HIVEP1: variants seen among roughly 807,000 people sequenced by gnomAD.
The protein encoded by HIVEP1 is HIVEP zinc finger 1.
In HIVEP1, 36 loss-of-function variants were observed where a neutral mutation model predicts 180.0. The observed-to-expected ratio is 0.20, with a 90% CI of 0.15 to 0.26. The LOEUF (loss-of-function observed/expected upper bound fraction) is 0.26. Ranked by LOEUF, HIVEP1 falls within the 10% of genes least tolerant of loss-of-function variation. HIVEP1 has a pLI of 1.00. For synonymous variants in HIVEP1, 1,239 were observed against 1,239.0 expected, an observed-to-expected ratio of 1.00 and a Z score of 0.00; for missense variants, 3,143 against 3,268.7, an observed-to-expected ratio of 0.96 and a Z score of 0.94.
At chr6:12,191,860 GT>G in the HIVEP1 span, among the ~76,000 whole-genome samples, 1 of 152,104 alleles carries the variant, frequency 6.6e-6, no homozygotes, top group African/African-American at 2.4e-5. Context: ...CTGTGCTTTT[GT>G]AAAATTATAG....
chr6:12,112,365 C>A lies in HIVEP1; in HGVS notation c.95-7525C>A, dbSNP rs565302847. Among the ~76,000 whole-genome samples the A allele has an allele frequency of 2.0e-4, 30 of 152,078 alleles. No individual in the cohort carries two copies. In the South Asian group the frequency reaches 6.0e-3, roughly 31 times the overall value. Reference sequence around the variant, plus strand: ...GCAGTTTGAATATATTGTCTAAATTCTTTTTCTCCCTTTTCTTCTTTTTCT... The same window carrying A: ...GCAGTTTGAATATATTGTCTAAATTATTTTTCTCCCTTTTCTTCTTTTTCT... On this transcript the variant is annotated intron_variant, in intron 3 of 8. Transcript: ENST00000379388.
intron 2 of HIVEP1, among the ~76,000 whole-genome samples, chr6:12,042,492 G>A (rs1201935963): frequency 6.7e-6 from 1 of 149,604 alleles, no homozygotes; most frequent in Non-Finnish European, 1.5e-5. Flanking sequence ...TGAGATTATA[G>A]GTGTGTGCCC....
At chr6:12,053,964 T>C (rs1770701901) in intron 2 of HIVEP1, among the ~76,000 whole-genome samples, 1 of 152,198 alleles carries the variant, frequency 6.6e-6, no homozygotes, top group Admixed American at 6.5e-5. Flanking sequence ...TCCTTCTCCA[T>C]GTGGAAATGT....
chr6:12,019,531 CAGAAG>C (rs1768051300), intron 2 of HIVEP1, among the ~76,000 whole-genome samples: 1 of 152,044 alleles, frequency 6.6e-6, no homozygotes, highest in Non-Finnish European at 1.5e-5. Context: ...ATTGGGAGAC[CAGAAG>C]AGGAGTCACA....
chr6:12,061,116 G>A (rs917248221), intron 2 of HIVEP1, among the ~76,000 whole-genome samples: 1 of 152,150 alleles, frequency 6.6e-6, no homozygotes, highest in African/African-American at 2.4e-5. Flanking sequence ...GGCTGGTAAC[G>A]TGACTGTGCA....
chr6:12,080,907 C>A (rs78722360), intron 2 of HIVEP1, among the ~76,000 whole-genome samples: 2 of 152,068 alleles, frequency 1.3e-5, no homozygotes, highest in Non-Finnish European at 2.9e-5. Flanking sequence ...TTGTCCATAA[C>A]CACTCTGGAT....
At chr6:12,079,938 A>ATCTATCTG (rs1772658628) in intron 2 of HIVEP1, among the ~76,000 whole-genome samples, 1 of 114,306 alleles carries the variant, frequency 8.7e-6, no homozygotes, top group Admixed American at 8.0e-5. Context: ...GATGGCATCT[A>ATCTATCTG]TCTATCTATC....
At chr6:12,115,377 T>TTTTTTTA (rs398000485) in intron 3 of HIVEP1, among the ~76,000 whole-genome samples, 2 of 125,652 alleles carry the variant, frequency 1.6e-5, no homozygotes, top group African/African-American at 5.8e-5. Flanking sequence ...TTTTTTTTTT[T>TTTTTTTA]AACAAAGTGG....
chr6:12,054,529 G>T (rs779434521), intron 2 of HIVEP1, among the ~76,000 whole-genome samples: 11 of 151,982 alleles, frequency 7.2e-5, no homozygotes, highest in Non-Finnish European at 1.6e-4. Flanking sequence ...AAGCACAGTT[G>T]GCATCATACA....
chr6:12,109,239 C>T (rs1231532055), intron 3 of HIVEP1, among the ~76,000 whole-genome samples: 1 of 152,102 alleles, frequency 6.6e-6, no homozygotes, highest in Non-Finnish European at 1.5e-5. Context: ...GTGTTCCGCC[C>T]GCCTCAGCCT....
intron 7 of HIVEP1, among the ~76,000 whole-genome samples, chr6:12,152,196 C>T (rs1252507051): frequency 6.6e-6 from 1 of 152,060 alleles, no homozygotes; most frequent in African/African-American, 2.4e-5. Flanking sequence ...ACAAAAAAAC[C>T]AGTTACTCAA....
At position 12,161,773 on chromosome 6, in the gene HIVEP1, G is replaced by C. The variant is rs776660334; in HGVS notation, c.6822G>C (p.Pro2274=). The C allele has an allele frequency of 1.9e-6, 3 of 1,614,046 alleles. No individual in the cohort carries two copies. In the African/African-American group the frequency reaches 4.0e-5, roughly 22 times the overall value. The stretch of plus-strand genomic sequence containing the variant: ...ACTACAATAGGAAGACACTCTCTCC[G>C]GGGAAGGCCAGGCAGCGTGCTGCGA... ...QSDYNRKTLS[P]GKARQRAARD... The change falls in exon 8 of 9, where the codon CCG becomes CCC. Residue 2274 remains proline (P), a synonymous_variant. Coordinates refer to ENST00000379388, the MANE Select transcript of HIVEP1 (RefSeq NM_002114.4).
At position 12,120,516 on chromosome 6, in the gene HIVEP1, A is replaced by G. The variant is rs367639862; in HGVS notation, c.721A>G (p.Met241Val). 456 of 1,614,202 alleles carry G rather than the reference A, an allele frequency of 2.8e-4. 4 individuals are homozygous for G. The highest frequency in any genetic ancestry group is 2.0e-3 in the South Asian group (185 of 91,090). ...RSPPKLKNSSMDAPNQTSQEL... is the reference protein window; with the variant it reads ...RSPPKLKNSSVDAPNQTSQEL... The stretch of plus-strand genomic sequence containing the variant: ...CCCTCCCAAATTAAAAAACAGTTCA[A>G]TGGATGCCCCAAATCAGACTTCACA... Residue 241 changes from methionine (M) to valine (V), a missense_variant, in exon 4 of 9, where the codon ATG becomes GTG. Coordinates refer to ENST00000379388, the MANE Select transcript of HIVEP1 (RefSeq NM_002114.4).
At chr6:12,014,923 G>A (rs1382258323) in intron 1 of HIVEP1, among the ~76,000 whole-genome samples, 1 of 152,236 alleles carries the variant, frequency 6.6e-6, no homozygotes, top group African/African-American at 2.4e-5. Context: ...CTGGAGCAGT[G>A]CTGATCCCAT....
At chr6:12,145,190 A>T (rs7449638) in intron 7 of HIVEP1, among the ~76,000 whole-genome samples, 11 of 152,144 alleles carry the variant, frequency 7.2e-5, no homozygotes, top group Non-Finnish European at 1.5e-4. Flanking sequence ...CTCTGCAGCC[A>T]TAAAAAAGGA....
At chr6:12,157,802 A>G (rs990342157) in intron 7 of HIVEP1, among the ~76,000 whole-genome samples, 1 of 152,170 alleles carries the variant, frequency 6.6e-6, no homozygotes, top group Non-Finnish European at 1.5e-5. Context: ...ATTGTCCACT[A>G]GGTCAAGCAG....
the HIVEP1 span, among the ~76,000 whole-genome samples, chr6:12,182,382 AG>A: frequency 2.6e-5 from 4 of 152,334 alleles, no homozygotes; most frequent in African/African-American, 9.6e-5. Context: ...GTCGTGCCTC[AG>A]GGATGTGAAG....
At chr6:12,072,085 CTT>C (rs71830598) in intron 2 of HIVEP1, among the ~76,000 whole-genome samples, 22 of 146,718 alleles carry the variant, frequency 1.5e-4, no homozygotes, top group South Asian at 2.2e-4. Flanking sequence ...TATTCTTCTT[CTT>C]TTTTTTTTTT....
rs763627916 is a variant in HIVEP1 at position 12,120,883 on chromosome 6, C to G, written c.1088C>G (p.Ala363Gly). 5.6e-6 allele frequency: 9 copies of G among 1,614,182 alleles called. No individual in the cohort carries two copies. The highest frequency in any genetic ancestry group is 1.6e-4 in the Middle Eastern group (1 of 6,062). Reference sequence around the variant, plus strand: ...GCTTCACCTTTGTCAATAAGTCCGGCTAATTCTACACAGTCGCCCCCCATG... The same window carrying G: ...GCTTCACCTTTGTCAATAAGTCCGGGTAATTCTACACAGTCGCCCCCCATG... The part of the protein sequence containing the change: ...DSASPLSISP[A>G]NSTQSPPMPI... Residue 363 changes from alanine (A) to glycine (G), a missense_variant, in exon 4 of 9, where the codon GCT becomes GGT. Transcript: ENST00000379388.
Sources: gnomAD v4.1 joint callset for allele counts (sites outside exome capture counted in the v4.1 genomes callset) on GRCh38, gnomAD v4.1.1 for gene constraint, MANE v1.5 for transcripts, NCBI Gene and HGNC (gene_info 2026-07-23, HGNC 2026-07-21) for gene names.